The following CAMK1D variants were observed in gnomAD, a reference collection of about 807,000 sequenced individuals.
The protein encoded by CAMK1D is calcium/calmodulin-dependent protein kinase type 1D.
In CAMK1D, 9 loss-of-function variants were observed where a neutral mutation model predicts 47.7. The ratio of observed to expected loss-of-function variants is 0.19; its 90% CI spans 0.11 to 0.33. The LOEUF is 0.33. Ranked by LOEUF, CAMK1D falls within the 10% of genes least tolerant of loss-of-function variation. CAMK1D has a pLI of 1.00. For synonymous variants in CAMK1D, 184 were observed against 184.9 expected, an observed-to-expected ratio of 0.99 and a Z score of 0.04; for missense variants, 291 against 488.7, an observed-to-expected ratio of 0.60 and a Z score of 3.81.
At chr10:12,690,598 C>T (rs1234142994) in intron 3 of CAMK1D, among the ~76,000 whole-genome samples, 3 of 152,256 alleles carry the variant, frequency 2.0e-5, no homozygotes, top group East Asian at 3.9e-4. Flanking sequence ...GAATTTGGCT[C>T]CTATGTCAAA....
chr10:12,760,730 G>C (rs945069399), intron 3 of CAMK1D: 1 of 511,606 alleles, frequency 2.0e-6, no homozygotes, highest in Non-Finnish European at 3.5e-6. Context: ...TCCGTGGATC[G>C]TGTTTTTTTA....
chr10:12,769,762 T>C lies in CAMK1D; in HGVS notation c.528T>C (p.Asp176=), dbSNP rs894298025. ...TGTCAAAAATGGAGGGCAAAGGAGATGTGATGTCCACTGCCTGTGGAACTC... is the reference window on the plus strand; with the variant it reads ...TGTCAAAAATGGAGGGCAAAGGAGACGTGATGTCCACTGCCTGTGGAACTC... ...FGLSKMEGKG[D]VMSTACGTPG... is the part of the protein sequence containing the mutation. The change falls in exon 5 of 11, where the codon GAT becomes GAC. Residue 176 remains aspartate (D), a synonymous_variant. Transcript: ENST00000619168. 1.2e-6 allele frequency: 2 copies of C among 1,614,194 alleles called. No homozygotes were observed. The highest frequency in any genetic ancestry group is 8.5e-7 in the Non-Finnish European group (1 of 1,180,002).
Position 12,787,108 on chromosome 10 carries a change from A to G in CAMK1D, c.566-4050A>G, listed in dbSNP as rs553734513. Reference sequence around the variant, plus strand: ...ACTGCACTCCAGCCTGGGCGACAGAATGAGATTCCTTCTCAAAGAAAAAAA... The same window carrying G: ...ACTGCACTCCAGCCTGGGCGACAGAGTGAGATTCCTTCTCAAAGAAAAAAA... On this transcript the variant is annotated intron_variant, in intron 5 of 10. Coordinates refer to ENST00000619168, the MANE Select transcript of CAMK1D (RefSeq NM_153498.4). Among the ~76,000 whole-genome samples, 261 of 148,300 alleles carry G rather than the reference A, an allele frequency of 1.8e-3. 1 individual carries two copies. The highest frequency in any genetic ancestry group is 2.6e-3 in the Non-Finnish European group (176 of 67,380).
chr10:12,460,008 C>T (rs1564352995), intron 1 of CAMK1D, among the ~76,000 whole-genome samples: 2 of 152,196 alleles, frequency 1.3e-5, no homozygotes, highest in African/African-American at 4.8e-5. Context: ...ATAGCTCCAT[C>T]TGACATGGAA....
At chr10:12,683,127 C>T (rs1489487318) in intron 3 of CAMK1D, among the ~76,000 whole-genome samples, 1 of 146,448 alleles carries the variant, frequency 6.8e-6, no homozygotes, top group East Asian at 2.0e-4. Flanking sequence ...CGCTTTGTTG[C>T]CCAGGCTGGA....
intron 1 of CAMK1D, among the ~76,000 whole-genome samples, chr10:12,359,444 C>A (rs959913468): frequency 1.3e-5 from 2 of 152,042 alleles, no homozygotes; most frequent in Non-Finnish European, 2.9e-5. Flanking sequence ...CCTGAAACGT[C>A]CTCTGGCCCA....
At chr10:12,456,977 T>C (rs1031843236) in intron 1 of CAMK1D, among the ~76,000 whole-genome samples, 5 of 152,146 alleles carry the variant, frequency 3.3e-5, no homozygotes, top group Non-Finnish European at 4.4e-5. Flanking sequence ...CATTGAAGCT[T>C]TGTGACACCA....
chr10:12,572,186 A>G (rs1837349550), intron 2 of CAMK1D, among the ~76,000 whole-genome samples: 1 of 151,988 alleles, frequency 6.6e-6, no homozygotes. Context: ...CCCAAATTTC[A>G]TCTCTAATTG....
intron 1 of CAMK1D, among the ~76,000 whole-genome samples, chr10:12,384,228 G>C (rs756990897): frequency 1.3e-5 from 2 of 152,142 alleles, no homozygotes; most frequent in African/African-American, 4.8e-5. Flanking sequence ...ATGGAAAGAC[G>C]TCCTGTGTCT....
intron 2 of CAMK1D, among the ~76,000 whole-genome samples, chr10:12,661,345 A>G (rs960706863): frequency 1.3e-5 from 2 of 152,250 alleles, no homozygotes; most frequent in African/African-American, 2.4e-5. Flanking sequence ...TTGCTTTAAC[A>G]TGGGCTAGGG....
intron 2 of CAMK1D, among the ~76,000 whole-genome samples, chr10:12,560,048 G>A: frequency 6.6e-6 from 1 of 152,158 alleles, no homozygotes; most frequent in South Asian, 2.1e-4. Flanking sequence ...ACCAGAGGGA[G>A]GGCAGCTTCT....
intron 1 of CAMK1D, among the ~76,000 whole-genome samples, chr10:12,387,397 T>TATTATATATTATATATATTATATATA (rs199871181): frequency 2.7e-4 from 23 of 83,712 alleles, no homozygotes; most frequent in East Asian, 1.3e-3. Flanking sequence ...ATATTATATA[T>TATTATATATTATATATATTATATATA]TTTTATATAT....
chr10:12,604,926 C>T (rs905330784), intron 2 of CAMK1D, among the ~76,000 whole-genome samples: 4 of 150,126 alleles, frequency 2.7e-5, no homozygotes, highest in East Asian at 1.9e-4. Context: ...CTCACTCTGT[C>T]GCCCAGGCTG....
At chr10:12,600,156 A>G (rs984481262) in intron 2 of CAMK1D, among the ~76,000 whole-genome samples, 9 of 152,174 alleles carry the variant, frequency 5.9e-5, no homozygotes, top group Admixed American at 1.3e-4. Context: ...TAGCAGAACA[A>G]TAGAAGTTTG....
At chr10:12,748,037 C>G (rs1207778485) in intron 3 of CAMK1D, among the ~76,000 whole-genome samples, 1 of 152,164 alleles carries the variant, frequency 6.6e-6, no homozygotes, top group Non-Finnish European at 1.5e-5. Context: ...GTGGCCCATT[C>G]AAGTTTCATA....
chr10:12,733,246 A>C (rs1428117991), intron 3 of CAMK1D, among the ~76,000 whole-genome samples: 2 of 152,218 alleles, frequency 1.3e-5, no homozygotes, highest in Non-Finnish European at 2.9e-5. Flanking sequence ...TTCAGGGTGA[A>C]GCTAGACAGA....
chr10:12,459,611 A>C (rs1012691184), intron 1 of CAMK1D, among the ~76,000 whole-genome samples: 2 of 152,210 alleles, frequency 1.3e-5, no homozygotes, highest in African/African-American at 4.8e-5. Context: ...TCCATGGTAG[A>C]TAATGTAGAT....
chr10:12,493,140 A>G (rs1193830550), intron 1 of CAMK1D, among the ~76,000 whole-genome samples: 1 of 152,232 alleles, frequency 6.6e-6, no homozygotes, highest in African/African-American at 2.4e-5. Context: ...TTCTAGAAAC[A>G]ACCCTCTGCG....
chr10:12,602,156 G>C (rs1410050664), intron 2 of CAMK1D, among the ~76,000 whole-genome samples: 1 of 152,240 alleles, frequency 6.6e-6, no homozygotes, highest in Non-Finnish European at 1.5e-5. Flanking sequence ...GGCAAAGTTT[G>C]ATTACAGGAA....
Sources: allele counts gnomAD v4.1 joint callset (sites outside exome capture counted in the v4.1 genomes callset), GRCh38; gene constraint gnomAD v4.1.1; transcripts MANE v1.5; gene names NCBI Gene and HGNC (gene_info 2026-07-23, HGNC 2026-07-21).